Variants in TUSC3 observed in about 807,000 individuals in gnomAD.
TUSC3 encodes tumor suppressor candidate 3.
In TUSC3, 45 loss-of-function variants were observed where a neutral mutation model predicts 44.8. That is an observed-to-expected ratio of 1.00 (90% CI 0.79 to 1.29). The LOEUF (loss-of-function observed/expected upper bound fraction) is 1.29, where lower values mean the gene tolerates loss of function less well. Ranked by LOEUF, TUSC3 falls within the 50% of genes most tolerant of loss-of-function variation. The pLI, the probability that TUSC3 is intolerant of heterozygous loss-of-function variation, is 0.00. For missense variants in TUSC3, 519 were observed against 437.9 expected (o/e 1.19, Z -1.65); for synonymous variants, 212 against 152.9 (o/e 1.39, Z -2.85).
rs76862101 is a variant in TUSC3 at position 15,745,855 on chromosome 8, C to G, written c.937+2243C>G. 7.6e-3 allele frequency among the ~76,000 whole-genome samples: 1,125 copies of G among 148,468 alleles called. 12 individuals carry two copies. Among genetic ancestry groups the G allele is most frequent in the African/African-American group, 0.025 (1,036 of 40,802 alleles). On this transcript the variant is annotated intron_variant, in intron 8 of 10. Coordinates refer to ENST00000503731, the MANE Select transcript of TUSC3 (RefSeq NM_006765.4). Reference sequence around the variant, plus strand: ...AGACTTAGTAAAAAAAATTCTTTGCCAAGGCCAATGTTGAGACAGGCATTT... The same window carrying G: ...AGACTTAGTAAAAAAAATTCTTTGCGAAGGCCAATGTTGAGACAGGCATTT...
chr8:15,736,284 GT>G lies in TUSC3; in HGVS notation c.862+5559del, dbSNP rs371405082. On this transcript the variant is annotated intron_variant, in intron 7 of 10. Transcript: ENST00000503731. ...TCATTTACAATTATGTTCTTAAAAAGTTTTCAAATGTCCAAAATTCAGTAGA... is the reference window on the plus strand; with the variant it reads ...TCATTTACAATTATGTTCTTAAAAAGTTTCAAATGTCCAAAATTCAGTAGA... Among the ~76,000 whole-genome samples, 19 of 152,202 alleles carry G rather than the reference GT, an allele frequency of 1.2e-4. No individual in the cohort carries two copies. The East Asian group carries it at 3.5e-3, about 28-fold the overall frequency.
intron 5 of TUSC3, among the ~76,000 whole-genome samples, chr8:15,664,517 A>C (rs577387553): frequency 5.4e-5 from 8 of 148,866 alleles, no homozygotes; most frequent in Non-Finnish European, 1.5e-5. Context: ...AAGCGAATTA[A>C]CTTGGCATGG....
intron 1 of TUSC3, among the ~76,000 whole-genome samples, chr8:15,605,424 A>T (rs183929299): frequency 6.6e-6 from 1 of 152,118 alleles, no homozygotes; most frequent in Admixed American, 6.6e-5. Context: ...ATAACCATTT[A>T]TCTTCTCCTG....
chr8:15,724,304 G>T (rs1810417232), intron 6 of TUSC3, among the ~76,000 whole-genome samples: 1 of 151,976 alleles, frequency 6.6e-6, no homozygotes, highest in South Asian at 2.1e-4. Context: ...TTTTGTTAGG[G>T]CAACCAAGCA....
intron 2 of TUSC3, among the ~76,000 whole-genome samples, chr8:15,647,788 A>G (rs1040449223): frequency 2.0e-5 from 3 of 152,154 alleles, no homozygotes; most frequent in Non-Finnish European, 2.9e-5. Context: ...TATTTGTCTC[A>G]ACGTGCAATT....
chr8:15,497,250 C>A (rs111242092), intron 2 of TUSC3, among the ~76,000 whole-genome samples: 1 of 152,124 alleles, frequency 6.6e-6, no homozygotes, highest in Admixed American at 6.5e-5. Flanking sequence ...TTAGCGTCTG[C>A]TTCCAAGTCC....
intron 6 of TUSC3, among the ~76,000 whole-genome samples, chr8:15,707,731 T>C (rs1187470546): frequency 6.6e-6 from 1 of 151,994 alleles, no homozygotes; most frequent in Non-Finnish European, 1.5e-5. Flanking sequence ...TGTGCATCCC[T>C]GGGTGTGTGA....
chr8:15,490,497 G>A (rs1344845625), intron 2 of TUSC3, among the ~76,000 whole-genome samples: 3 of 152,158 alleles, frequency 2.0e-5, no homozygotes, highest in African/African-American at 7.2e-5. Flanking sequence ...AAGGCCTGCT[G>A]ACGTTGAGGT....
intron 1 of TUSC3, among the ~76,000 whole-genome samples, chr8:15,483,190 CAAAAG>C (rs1308300007): frequency 6.6e-6 from 1 of 151,752 alleles, no homozygotes; most frequent in Non-Finnish European, 1.5e-5. Flanking sequence ...TTATATTTTG[CAAAAG>C]AAAAAGAAAT....
Position 15,717,701 on chromosome 8 carries a change from T to C in TUSC3, c.799-12965T>C, listed in dbSNP as rs759886250. Among the ~76,000 whole-genome samples the C allele has an allele frequency of 3.3e-5, 5 of 152,140 alleles. 1 individual carries two copies. Among genetic ancestry groups the C allele is most frequent in the South Asian group, 4.1e-4 (2 of 4,832 alleles). ...TTTCTCTAGCACTCATTTGGACATA[T>C]AGCTAAATTGGCCACCAAAATTCTA... On this transcript the variant is annotated intron_variant, in intron 6 of 10. Coordinates refer to ENST00000503731, the MANE Select transcript of TUSC3 (RefSeq NM_006765.4).
the TUSC3 span, chr8:15,806,479 G>C: frequency 2.2e-6 from 2 of 923,822 alleles, no homozygotes; most frequent in South Asian, 1.3e-5. Flanking sequence ...GCAAACAGGT[G>C]TCGACTATTT....
chr8:15,534,526 C>G (rs1585078961), intron 2 of TUSC3, among the ~76,000 whole-genome samples: 1 of 151,804 alleles, frequency 6.6e-6, no homozygotes, highest in East Asian at 1.9e-4. Context: ...TCCTGTAGTC[C>G]CAGCTACTCG....
At chr8:15,527,405 TG>T (rs1801388591) in intron 2 of TUSC3, among the ~76,000 whole-genome samples, 1 of 152,054 alleles carries the variant, frequency 6.6e-6, no homozygotes, top group Non-Finnish European at 1.5e-5. Flanking sequence ...TTAGTAGAGA[TG>T]GGGTTTTGCT....
chr8:15,794,600 C>G, the TUSC3 span, among the ~76,000 whole-genome samples: 3 of 152,086 alleles, frequency 2.0e-5, no homozygotes, highest in Non-Finnish European at 2.9e-5. Context: ...AATAGCATAG[C>G]CAGAATAACA....
At chr8:15,449,627 A>C (rs868394295) in intron 1 of TUSC3, among the ~76,000 whole-genome samples, 1 of 152,242 alleles carries the variant, frequency 6.6e-6, no homozygotes. Flanking sequence ...GAGTATAATG[A>C]GGCGTCTTAC....
intron 2 of TUSC3, among the ~76,000 whole-genome samples, chr8:15,484,303 C>T (rs1405373602): frequency 6.6e-6 from 1 of 152,128 alleles, no homozygotes; most frequent in Non-Finnish European, 1.5e-5. Flanking sequence ...TCCCAGGAAG[C>T]CTTGTGTTAT....
intron 2 of TUSC3, among the ~76,000 whole-genome samples, chr8:15,530,396 T>G (rs1360168488): frequency 1.3e-5 from 2 of 152,200 alleles, no homozygotes; most frequent in Non-Finnish European, 2.9e-5. Context: ...ACTATCATAA[T>G]GGGAGTTAAT....
intron 1 of TUSC3, among the ~76,000 whole-genome samples, chr8:15,544,147 T>A (rs971124229): frequency 1.3e-5 from 2 of 152,154 alleles, no homozygotes; most frequent in Non-Finnish European, 2.9e-5. Flanking sequence ...TCCTCACTGA[T>A]GTTAAGTGAT....
intron 2 of TUSC3, among the ~76,000 whole-genome samples, chr8:15,503,431 A>C (rs555103926): frequency 8.0e-4 from 121 of 152,060 alleles, no homozygotes; most frequent in African/African-American, 2.8e-3. Flanking sequence ...TTTTTTCTGG[A>C]TACTTCTAGG....
Sources: allele counts gnomAD v4.1 joint callset (sites outside exome capture counted in the v4.1 genomes callset), GRCh38; gene constraint gnomAD v4.1.1; transcripts MANE v1.5; gene names NCBI Gene and HGNC (gene_info 2026-07-23, HGNC 2026-07-21).